NOD1: variants seen among roughly 807,000 people sequenced by gnomAD.
The protein encoded by NOD1 is nucleotide binding oligomerization domain containing 1, also known as nucleotide-binding oligomerization domain-containing protein 1.
Under a neutral mutation model 81.2 loss-of-function variants are expected in NOD1, and 70 were observed. The ratio of observed to expected loss-of-function variants is 0.86; its 90% CI spans 0.71 to 1.05. The LOEUF (loss-of-function observed/expected upper bound fraction) is 1.05, where lower values mean the gene tolerates loss of function less well. Among genes scored for constraint, NOD1 ranks in the 50% least tolerant of loss-of-function variants. NOD1 has a pLI of 0.00. For synonymous variants in NOD1, 508 were observed against 526.9 expected, an observed-to-expected ratio of 0.96 and a Z score of 0.49; for missense variants, 1,233 against 1,228.0, an observed-to-expected ratio of 1.00 and a Z score of -0.06.
At chr7:30,470,153 A>G (rs779813236) in intron 1 of NOD1, among the ~76,000 whole-genome samples, 2 of 152,254 alleles carry the variant, frequency 1.3e-5, no homozygotes, top group Non-Finnish European at 2.9e-5. Context: ...TGGACAAATA[A>G]TGCTCTCTTC....
At chr7:30,460,379 A>G (rs544311100) in intron 1 of NOD1, 437 of 985,228 alleles carry the variant, frequency 4.4e-4, no homozygotes, top group Admixed American at 8.6e-4. Context: ...CAGTTGATGA[A>G]GACGGTCTGG....
At chr7:30,439,448 CG>C (rs1261412750) in intron 9 of NOD1, among the ~76,000 whole-genome samples, 1 of 141,094 alleles carries the variant, frequency 7.1e-6, no homozygotes, top group Non-Finnish European at 1.5e-5. Context: ...ACCTGGGAAG[CG>C]CAAGGGATCA....
intron 9 of NOD1, among the ~76,000 whole-genome samples, chr7:30,445,278 T>TAAAAAAAAAAAAAAAAAAAAAAAAAAACA (rs55875433): frequency 2.9e-5 from 2 of 69,176 alleles, no homozygotes; most frequent in Admixed American, 1.7e-4. Flanking sequence ...AAAAAGAATC[T>TAAAAAAAAAAAAAAAAAAAAAAAAAAACA]AAAAAAAAAA....
chr7:30,453,794 T>C (rs1216188063), intron 5 of NOD1, among the ~76,000 whole-genome samples: 1 of 152,246 alleles, frequency 6.6e-6, no homozygotes, highest in East Asian at 1.9e-4. Context: ...CAGAGTTTTC[T>C]GGAGCCTATT....
In NOD1 at chr7:30,453,012, G is replaced by A; in HGVS notation, c.405C>T (p.His135=). The A allele has an allele frequency of 6.2e-7, 1 of 1,612,304 alleles. No homozygotes were observed. The highest frequency in any genetic ancestry group is 8.5e-7 in the Non-Finnish European group (1 of 1,179,024). Residue 135 remains histidine, a synonymous_variant, in exon 6 of 14, where the codon CAC becomes CAT. Transcript: ENST00000222823. ...PVSRYTQQLR[H]HLGRDSKFVL... ...CGAACTTGGAGTCACGGCCCAGATG[G>A]TGTCGCAGCTGCTGGGTATACCTGC...
At chr7:30,439,425 G>C (rs981326285) in intron 9 of NOD1, among the ~76,000 whole-genome samples, 2 of 141,498 alleles carry the variant, frequency 1.4e-5, no homozygotes, top group Admixed American at 6.8e-5. Context: ...GAAGCAGGGC[G>C]AGGCATTGCC....
rs193048431 is a variant in NOD1, at chr7:30,451,114, G to C, written c.2201+102C>G. 1.3e-3 allele frequency: 1,692 copies of C among 1,335,512 alleles called. 3 individuals are homozygous for C. The highest frequency in any genetic ancestry group is 1.6e-3 in the Non-Finnish European group (1,570 of 986,212). The allele number at this position is 1,335,512 out of a possible 1,614,324, so 82.7% of individuals were successfully genotyped here. On this transcript the variant is annotated intron_variant, in intron 6 of 13. Coordinates refer to ENST00000222823, the MANE Select transcript of NOD1 (RefSeq NM_006092.4). The surrounding 1 kb of genome is among the most constrained non-coding windows in gnomAD (Gnocchi z 4.2). ...AGGTCTGGACATTCCAAGGGCCATG[G>C]TCATGAGTCCTGGGGGATCCTGGTC...
chr7:30,469,711 G>A (rs1017755060), intron 1 of NOD1, among the ~76,000 whole-genome samples: 20 of 152,234 alleles, frequency 1.3e-4, no homozygotes, highest in Non-Finnish European at 2.8e-4. Flanking sequence ...CTGGGCTCCT[G>A]AGGTCAAACA....
rs1785070924 is a variant in NOD1 at position 30,446,243 on chromosome 7, ACAGT to A, written c.2370-23_2370-20del. On this transcript the variant is annotated intron_variant, in intron 8 of 13. Coordinates refer to ENST00000222823, the MANE Select transcript of NOD1 (RefSeq NM_006092.4). ...TCCCAGTCTGCAGAGAGAGTCACAC[ACAGT>A]CAGCCTCCAGCTATGCAGGGGCTCC... The A allele has an allele frequency of 1.3e-6, 2 of 1,596,888 alleles. No homozygotes were observed. The highest frequency in any genetic ancestry group is 2.7e-5 in the African/African-American group (2 of 74,538).
chr7:30,475,230 C>A (rs1198389839), intron 1 of NOD1, among the ~76,000 whole-genome samples: 3 of 152,212 alleles, frequency 2.0e-5, no homozygotes, highest in Admixed American at 2.0e-4. Flanking sequence ...CTGAAAATAT[C>A]TACCAAATGA....
chr7:30,434,077 G>A (rs541935102), intron 11 of NOD1, among the ~76,000 whole-genome samples: 3 of 152,312 alleles, frequency 2.0e-5, no homozygotes, highest in African/African-American at 4.8e-5. Context: ...AGAATGAGGA[G>A]GGAGAAGAAC....
rs143051444 is a variant in NOD1 at position 30,436,000 on chromosome 7, C to T, written c.2619G>A (p.Leu873=). The change falls in exon 11 of 14, where the codon CTG becomes CTA. Residue 873 remains leucine (L), a splice_region_variant and synonymous_variant. Coordinates refer to ENST00000222823, the MANE Select transcript of NOD1 (RefSeq NM_006092.4). ...ALQQNTSLEI[L]WLTQNELNDE... is the part of the protein sequence containing the mutation. ...AATGAAATGACTCGAGCTATTACCA[C>T]AGTATTTCTAGAGACGTGTTCTGCT... The T allele has an allele frequency of 2.3e-5, 37 of 1,611,974 alleles. No individual in the cohort carries two copies. The highest frequency in any genetic ancestry group is 1.7e-5 in the Admixed American group (1 of 59,994).
chr7:30,471,623 G>C (rs572704277), intron 1 of NOD1, among the ~76,000 whole-genome samples: 1 of 152,342 alleles, frequency 6.6e-6, no homozygotes, highest in South Asian at 2.1e-4. Context: ...CACCCTCTTT[G>C]GGATTTCTGG....
intron 12 of NOD1, among the ~76,000 whole-genome samples, chr7:30,431,564 C>T (rs544725335): frequency 2.6e-5 from 4 of 152,336 alleles, no homozygotes; most frequent in South Asian, 4.1e-4. Context: ...CTGTTCAACA[C>T]GTGGTGCTGC....
At chr7:30,436,138 G>C in intron 10 of NOD1, 57 bp from the exon 11 acceptor site, 1 of 1,366,082 alleles carries the variant, frequency 7.3e-7, no homozygotes, top group Admixed American at 1.7e-5. Context: ...TTCAATCTTA[G>C]CTTCAACATC....
chr7:30,435,361 G>A (rs1262060569), intron 11 of NOD1, among the ~76,000 whole-genome samples: 1 of 152,162 alleles, frequency 6.6e-6, no homozygotes, highest in African/African-American at 2.4e-5. Flanking sequence ...TTTGAGCCAA[G>A]TGTGTGGAAG....
chr7:30,456,443 T>A (rs929439685), intron 4 of NOD1, among the ~76,000 whole-genome samples: 1 of 151,150 alleles, frequency 6.6e-6, no homozygotes, highest in African/African-American at 2.5e-5. Flanking sequence ...TCTTTTTCCC[T>A]CCTAATTTAA....
At chr7:30,448,082 G>T in intron 7 of NOD1, 1 of 562,186 alleles carries the variant, frequency 1.8e-6, no homozygotes, top group Non-Finnish European at 3.2e-6. Flanking sequence ...GCCTATACTG[G>T]GATCCCAGTT....
rs991717490 is a variant in NOD1, at chr7:30,431,702, C to T, written c.2705+1394G>A. On this transcript the variant is annotated intron_variant, in intron 12 of 13. Transcript: ENST00000222823. ...AACAACTATAACGCTTAACAGAAAACTTAGGTGGAGTTCTTTGTGATCTTG... is the reference window on the plus strand; with the variant it reads ...AACAACTATAACGCTTAACAGAAAATTTAGGTGGAGTTCTTTGTGATCTTG... 3.6e-4 allele frequency among the ~76,000 whole-genome samples: 55 copies of T among 152,288 alleles called. No homozygotes were observed. In the Middle Eastern group the frequency reaches 0.017, roughly 47 times the overall value.
Sources: gnomAD v4.1 joint callset for allele counts (sites outside exome capture counted in the v4.1 genomes callset) on GRCh38, gnomAD v4.1.1 for gene constraint, Gnocchi (gnomAD v3.1) non-coding constraint, MANE v1.5 for transcripts, NCBI Gene and HGNC (gene_info 2026-07-23, HGNC 2026-07-21) for gene names.